The following CACNA2D3 variants were observed in gnomAD, a reference collection of about 807,000 sequenced individuals.
The protein encoded by CACNA2D3 is voltage-dependent calcium channel subunit alpha-2/delta-3.
Under a neutral mutation model 160.6 loss-of-function variants are expected in CACNA2D3, and 60 were observed. The ratio of observed to expected loss-of-function variants is 0.37; its 90% CI spans 0.30 to 0.46. The LOEUF (loss-of-function observed/expected upper bound fraction) is 0.46. Ranked by LOEUF, CACNA2D3 falls within the 20% of genes least tolerant of loss-of-function variation. The probability of loss-of-function intolerance (pLI) is 1.00; values close to 1 mark genes in which losing one functional copy is unlikely to be tolerated. For missense variants in CACNA2D3, 1,205 were observed against 1,365.0 expected (o/e 0.88, Z 1.85); for synonymous variants, 558 against 492.9 (o/e 1.13, Z -1.75).
At chr3:54,819,828 G>A (rs1703546569) in intron 14 of CACNA2D3, among the ~76,000 whole-genome samples, 1 of 151,930 alleles carries the variant, frequency 6.6e-6, no homozygotes. Flanking sequence ...CTGGTGACAG[G>A]GTGAGACTCC....
At chr3:54,547,577 GT>G (rs1423126157) in intron 5 of CACNA2D3, among the ~76,000 whole-genome samples, 2 of 150,590 alleles carry the variant, frequency 1.3e-5, no homozygotes, top group Non-Finnish European at 3.0e-5. Flanking sequence ...ACAGTTTTAT[GT>G]TTTGGGGGCT....
chr3:54,354,932 G>A (rs1292270689), intron 3 of CACNA2D3, among the ~76,000 whole-genome samples: 1 of 152,250 alleles, frequency 6.6e-6, no homozygotes, highest in African/African-American at 2.4e-5. Context: ...TGGATGTATT[G>A]AAGGATGGCT....
intron 2 of CACNA2D3, among the ~76,000 whole-genome samples, chr3:54,197,779 AC>A (rs1435863933): frequency 6.6e-6 from 1 of 152,154 alleles, no homozygotes; most frequent in Non-Finnish European, 1.5e-5. Flanking sequence ...ACTGAGTGGA[AC>A]AGTCGCCTAT....
At chr3:54,626,684 C>CAAAAAAAAAAAAT in intron 9 of CACNA2D3, 1 of 313,444 alleles carries the variant, frequency 3.2e-6, no homozygotes, top group Non-Finnish European at 5.3e-6. Flanking sequence ...TGGTTCCAGT[C>CAAAAAAAAAAAAT]AAAAAAAAAA....
intron 3 of CACNA2D3, among the ~76,000 whole-genome samples, chr3:54,327,835 G>T (rs928953024): frequency 5.9e-5 from 9 of 151,928 alleles, no homozygotes; most frequent in African/African-American, 2.2e-4. Flanking sequence ...GATATGTGTG[G>T]GTGTATATAA....
At chr3:54,899,549 C>A (rs1280238396) in intron 26 of CACNA2D3, among the ~76,000 whole-genome samples, 1 of 152,074 alleles carries the variant, frequency 6.6e-6, no homozygotes, top group Non-Finnish European at 1.5e-5. Context: ...CTGGATGTTC[C>A]CCAGTGCACT....
chr3:54,536,057 G>A (rs1189409160), intron 5 of CACNA2D3, among the ~76,000 whole-genome samples: 5 of 152,216 alleles, frequency 3.3e-5, no homozygotes, highest in Non-Finnish European at 7.3e-5. Flanking sequence ...TAGTGGTTGT[G>A]TTTTATGTAT....
intron 28 of CACNA2D3, among the ~76,000 whole-genome samples, chr3:54,969,590 A>T (rs1208691313): frequency 6.6e-6 from 1 of 152,014 alleles, no homozygotes; most frequent in African/African-American, 2.4e-5. Context: ...TAGATCTTTT[A>T]TTTTACATTA....
At chr3:54,803,220 G>C (rs1468435436) in intron 13 of CACNA2D3, among the ~76,000 whole-genome samples, 1 of 152,246 alleles carries the variant, frequency 6.6e-6, no homozygotes, top group Non-Finnish European at 1.5e-5. Flanking sequence ...GAATGACTTT[G>C]ACGAGTTGAG....
intron 17 of CACNA2D3, among the ~76,000 whole-genome samples, chr3:54,865,894 C>T (rs749518943): frequency 5.3e-5 from 8 of 152,272 alleles, no homozygotes; most frequent in South Asian, 4.1e-4. Flanking sequence ...GCTGAGTGCC[C>T]GTACCTCCAT....
chr3:54,821,697 T>TTTCTTTCTTTTCTTTCC (rs753240626), intron 14 of CACNA2D3, among the ~76,000 whole-genome samples: 3 of 84,096 alleles, frequency 3.6e-5, no homozygotes, highest in Admixed American at 2.5e-4. Context: ...TCTTTCTTTC[T>TTTCTTTCTTTTCTTTCC]TTCCTTCCTT....
chr3:54,462,650 A>G (rs1700529103), intron 4 of CACNA2D3, among the ~76,000 whole-genome samples: 1 of 151,858 alleles, frequency 6.6e-6, no homozygotes, highest in South Asian at 2.1e-4. Flanking sequence ...CCATCCTTTT[A>G]TTTTGAACCC....
chr3:54,534,420 C>T lies in CACNA2D3; in HGVS notation c.545-28380C>T, dbSNP rs564174002. 8.5e-5 allele frequency among the ~76,000 whole-genome samples: 13 copies of T among 152,202 alleles called. No homozygotes were observed. The East Asian group carries it at 2.1e-3, about 25-fold the overall frequency. Reference sequence around the variant, plus strand: ...CCTGCCCTCCTGCCTTCTCAGAGCTCATTTCCTCCCCTGCTCACTCGGAGC... The same window carrying T: ...CCTGCCCTCCTGCCTTCTCAGAGCTTATTTCCTCCCCTGCTCACTCGGAGC... On this transcript the variant is annotated intron_variant, in intron 5 of 37. Transcript: ENST00000474759.
At chr3:54,642,685 C>T (rs1699549957) in intron 11 of CACNA2D3, among the ~76,000 whole-genome samples, 1 of 152,170 alleles carries the variant, frequency 6.6e-6, no homozygotes, top group Non-Finnish European at 1.5e-5. Context: ...CTCTCTATCT[C>T]CCACTGCTGT....
At chr3:54,283,433 A>T (rs191110085) in intron 2 of CACNA2D3, among the ~76,000 whole-genome samples, 27 of 152,364 alleles carry the variant, frequency 1.8e-4, no homozygotes, top group Middle Eastern at 3.4e-3. Flanking sequence ...GCACTCTTTT[A>T]GCAGAGTATT....
At chr3:54,585,566 T>G (rs978302296) in intron 9 of CACNA2D3, among the ~76,000 whole-genome samples, 1 of 152,160 alleles carries the variant, frequency 6.6e-6, no homozygotes, top group African/African-American at 2.4e-5. Context: ...AAAAAGAGGT[T>G]TAATGGACCC....
At chr3:54,689,946 C>A (rs893352140) in intron 11 of CACNA2D3, among the ~76,000 whole-genome samples, 3 of 152,248 alleles carry the variant, frequency 2.0e-5, no homozygotes, top group Admixed American at 6.5e-5. Flanking sequence ...TTAGAAAAAA[C>A]CCATGTCTCT....
chr3:54,743,678 C>G (rs550518657), intron 11 of CACNA2D3, among the ~76,000 whole-genome samples: 3 of 152,182 alleles, frequency 2.0e-5, no homozygotes, highest in African/African-American at 7.2e-5. Flanking sequence ...GTTAGTTTGA[C>G]TTTTTGTTCA....
intron 3 of CACNA2D3, among the ~76,000 whole-genome samples, chr3:54,366,509 G>T (rs1369314911): frequency 1.3e-5 from 2 of 152,232 alleles, no homozygotes; most frequent in East Asian, 3.8e-4. Context: ...ATCAGAAAAT[G>T]TTTAAACCCA....
Sources: allele counts gnomAD v4.1 joint callset (sites outside exome capture counted in the v4.1 genomes callset), GRCh38; gene constraint gnomAD v4.1.1; transcripts MANE v1.5; gene names NCBI Gene and HGNC (gene_info 2026-07-23, HGNC 2026-07-21).